The following HS3ST2 variants were observed in gnomAD, a reference collection of about 807,000 sequenced individuals.
HS3ST2 encodes heparan sulfate glucosamine 3-O-sulfotransferase 2.
HS3ST2 carries 17 observed loss-of-function variants against 26.3 expected under a neutral mutation model. That is an observed-to-expected ratio of 0.65 (90% confidence interval 0.44 to 0.97). The LOEUF is 0.97. Ranked by LOEUF, HS3ST2 falls within the 50% of genes least tolerant of loss-of-function variation. The pLI is 0.00. For missense variants in HS3ST2, 402 were observed against 501.2 expected (o/e 0.80, Z 1.89); for synonymous variants, 237 against 219.2 (o/e 1.08, Z -0.72).
chr16:22,826,516 G>T (rs1487427557), intron 1 of HS3ST2, among the ~76,000 whole-genome samples: 2 of 152,010 alleles, frequency 1.3e-5, no homozygotes, highest in Non-Finnish European at 2.9e-5. Flanking sequence ...TGAAATTATT[G>T]TGTTCATTTT....
chr16:22,819,086 C>T (rs867819913), intron 1 of HS3ST2, among the ~76,000 whole-genome samples: 173 of 8,060 alleles, frequency 0.021, 39 homozygotes, highest in African/African-American at 0.057. Context: ...CTCCCTCCCT[C>T]CCTTCCTCCC....
intron 1 of HS3ST2, among the ~76,000 whole-genome samples, chr16:22,884,464 C>T (rs1902032690): frequency 6.6e-6 from 1 of 151,854 alleles, no homozygotes; most frequent in Admixed American, 6.6e-5. Flanking sequence ...CGGGTGTTTG[C>T]GGGACTCTCC....
chr16:22,901,135 T>C (rs1010603578), intron 1 of HS3ST2, among the ~76,000 whole-genome samples: 12 of 151,810 alleles, frequency 7.9e-5, no homozygotes, highest in African/African-American at 1.9e-4. Context: ...GGCATTACCA[T>C]GATCCACACA....
chr16:22,913,571 C>A (rs1902453216), intron 1 of HS3ST2, among the ~76,000 whole-genome samples: 1 of 152,040 alleles, frequency 6.6e-6, no homozygotes, highest in Non-Finnish European at 1.5e-5. Flanking sequence ...AAGACTTTTT[C>A]CCCAAAAAAA....
At chr16:22,862,646 G>A (rs1901695991) in intron 1 of HS3ST2, among the ~76,000 whole-genome samples, 1 of 152,158 alleles carries the variant, frequency 6.6e-6, no homozygotes, top group African/African-American at 2.4e-5. Flanking sequence ...TTCTCACCTG[G>A]GACTCAGCCA....
chr16:22,872,445 T>C (rs537232014), intron 1 of HS3ST2, among the ~76,000 whole-genome samples: 1 of 152,358 alleles, frequency 6.6e-6, no homozygotes, highest in African/African-American at 2.4e-5. Flanking sequence ...AAAATTCTTT[T>C]ATTGGGTGCT....
chr16:22,912,413 T>G (rs1043657647), intron 1 of HS3ST2, among the ~76,000 whole-genome samples: 7 of 151,770 alleles, frequency 4.6e-5, no homozygotes, highest in African/African-American at 1.7e-4. Context: ...GAACCAGGAG[T>G]TGATATTCCA....
intron 1 of HS3ST2, among the ~76,000 whole-genome samples, chr16:22,911,563 C>T (rs1251163954): frequency 6.6e-6 from 1 of 152,168 alleles, no homozygotes; most frequent in Non-Finnish European, 1.5e-5. Flanking sequence ...TCTGACTGCT[C>T]TGAGAAGAAT....
In HS3ST2 at chr16:22,866,369, C is replaced by CGTGTGTGTGT. The variant is rs55757233; in HGVS notation, c.486-48546_486-48537dup. Among the ~76,000 whole-genome samples the CGTGTGTGTGT allele has an allele frequency of 3.7e-3, 537 of 143,800 alleles. 1 individual carries two copies. Among genetic ancestry groups the CGTGTGTGTGT allele is most frequent in the African/African-American group, 0.013 (498 of 38,848 alleles). The allele number at this position is 143,800 out of a possible 152,430, so 94.3% of individuals were successfully genotyped here. ...CTAACCAATTTGACAATATGGTGTG[C>CGTGTGTGTGT]GTGTGTGTGTGTGTGTGTGTGTGTG... On this transcript the variant is annotated intron_variant, in intron 1 of 1. Transcript: ENST00000261374.
At chr16:22,903,165 G>T (rs1902302899) in intron 1 of HS3ST2, among the ~76,000 whole-genome samples, 1 of 151,700 alleles carries the variant, frequency 6.6e-6, no homozygotes, top group South Asian at 2.1e-4. Flanking sequence ...TTTTCTTCTT[G>T]TGTGAGAGTC....
At chr16:22,906,020 G>A (rs1370297435) in intron 1 of HS3ST2, among the ~76,000 whole-genome samples, 1 of 152,130 alleles carries the variant, frequency 6.6e-6, no homozygotes, top group African/African-American at 2.4e-5. Context: ...GGAAGGTGCA[G>A]TCTGCCACAG....
chr16:22,828,848 T>G (rs1445620845), intron 1 of HS3ST2, among the ~76,000 whole-genome samples: 1 of 152,194 alleles, frequency 6.6e-6, no homozygotes, highest in Non-Finnish European at 1.5e-5. Flanking sequence ...AGCACAAACA[T>G]CTCCATTAAC....
intron 1 of HS3ST2, among the ~76,000 whole-genome samples, chr16:22,886,927 C>CT (rs1254555259): frequency 1.3e-5 from 2 of 152,034 alleles, no homozygotes; most frequent in African/African-American, 4.8e-5. Flanking sequence ...ATTTTTAAAC[C>CT]TTTTTGTAGA....
At chr16:22,853,681 CT>C (rs1257778730) in intron 1 of HS3ST2, among the ~76,000 whole-genome samples, 1 of 152,190 alleles carries the variant, frequency 6.6e-6, no homozygotes, top group Admixed American at 6.5e-5. Context: ...CAGCTTCCCT[CT>C]TTCCATCCTA....
intron 1 of HS3ST2, among the ~76,000 whole-genome samples, chr16:22,862,484 T>A (rs1307502620): frequency 2.6e-5 from 4 of 152,188 alleles, no homozygotes; most frequent in African/African-American, 7.2e-5. Context: ...CACATTTCTG[T>A]TACCTGCCCG....
chr16:22,909,816 G>A (rs578057209), intron 1 of HS3ST2, among the ~76,000 whole-genome samples: 7 of 152,204 alleles, frequency 4.6e-5, no homozygotes, highest in East Asian at 1.9e-4. Context: ...CAAGGTGTGC[G>A]GATCACCTAG....
intron 1 of HS3ST2, among the ~76,000 whole-genome samples, chr16:22,875,618 T>C (rs1440238504): frequency 6.6e-6 from 1 of 152,126 alleles, no homozygotes; most frequent in Non-Finnish European, 1.5e-5. Flanking sequence ...CCTGACCTCA[T>C]GATCTGCCTG....
chr16:22,821,838 A>T (rs564534517), intron 1 of HS3ST2, among the ~76,000 whole-genome samples: 143 of 152,214 alleles, frequency 9.4e-4, no homozygotes, highest in Admixed American at 2.3e-3. Context: ...TGAGGAAGTT[A>T]TTATTAAGTA....
At position 22,899,813 on chromosome 16, in the gene HS3ST2, G is replaced by T. The variant is rs1184543779; in HGVS notation, c.486-15131G>T. Among the ~76,000 whole-genome samples the T allele has an allele frequency of 2.6e-5, 4 of 152,160 alleles. No homozygotes were observed. The East Asian group carries it at 7.7e-4, about 29-fold the overall frequency. On this transcript the variant is annotated intron_variant, in intron 1 of 1. Coordinates refer to ENST00000261374, the MANE Select transcript of HS3ST2 (RefSeq NM_006043.2). ...TATTCACTACCATGAGAACAGCATGGGAAAAACCCACCCTCATGATTTAAT... is the reference window on the plus strand; with the variant it reads ...TATTCACTACCATGAGAACAGCATGTGAAAAACCCACCCTCATGATTTAAT...
Sources: allele counts gnomAD v4.1 joint callset (sites outside exome capture counted in the v4.1 genomes callset), GRCh38; gene constraint gnomAD v4.1.1; transcripts MANE v1.5; gene names NCBI Gene and HGNC (gene_info 2026-07-23, HGNC 2026-07-21).